The following FOCAD variants were observed in gnomAD, a reference collection of about 807,000 sequenced individuals.
FOCAD encodes focadhesin.
Under a neutral mutation model 225.6 loss-of-function variants are expected in FOCAD, and 198 were observed. The observed-to-expected ratio is 0.88, with a 90% CI of 0.78 to 0.99. FOCAD has a LOEUF of 0.99. Ranked by LOEUF, FOCAD falls within the 50% of genes least tolerant of loss-of-function variation. The pLI is 0.00. For missense variants in FOCAD, 2,713 were observed against 2,123.6 expected, an observed-to-expected ratio of 1.28 and a Z score of -5.46; for synonymous variants, 897 against 755.0, an observed-to-expected ratio of 1.19 and a Z score of -3.08.
intron 35 of FOCAD, among the ~76,000 whole-genome samples, chr9:20,968,717 G>A (rs1383562942): frequency 6.6e-6 from 1 of 151,862 alleles, no homozygotes; most frequent in African/African-American, 2.4e-5. Flanking sequence ...GGGATTACAG[G>A]CATGAGCCAC....
At chr9:20,781,608 G>A in intron 9 of FOCAD, 119 bp from the exon 10 acceptor site, 2 of 751,752 alleles carry the variant, frequency 2.7e-6, no homozygotes, top group Non-Finnish European at 4.6e-6. Context: ...CTAGTTATGT[G>A]TCTGACCCAG....
chr9:20,820,689 A>G (rs924427067), intron 13 of FOCAD, among the ~76,000 whole-genome samples: 1 of 152,138 alleles, frequency 6.6e-6, no homozygotes, highest in Non-Finnish European at 1.5e-5. Context: ...ATATAGTTAT[A>G]AATGATTAGA....
chr9:20,939,150 C>CAAAAAAAAAAAAAAAAAAAAA (rs565280892), intron 28 of FOCAD, among the ~76,000 whole-genome samples: 30 of 72,478 alleles, frequency 4.1e-4, no homozygotes, highest in Middle Eastern at 0.011. Flanking sequence ...ACTCTCTTCT[C>CAAAAAAAAAAAAAAAAAAAAA]AAAAAAAAAA....
intron 15 of FOCAD, among the ~76,000 whole-genome samples, chr9:20,832,453 G>T (rs1219319912): frequency 6.6e-6 from 1 of 151,878 alleles, no homozygotes; most frequent in African/African-American, 2.4e-5. Flanking sequence ...GAGGGTGCAT[G>T]AGATGTTTTG....
chr9:20,912,495 C>T (rs1040109242), intron 22 of FOCAD, among the ~76,000 whole-genome samples: 4 of 152,014 alleles, frequency 2.6e-5, no homozygotes, highest in African/African-American at 9.7e-5. Context: ...GGTGTATGGT[C>T]CCCAATCTTG....
chr9:20,885,094 T>C lies in FOCAD; in HGVS notation c.2504-15T>C. ...AAATAAAAATAAAATAAAGTCTATA[T>C]AATTTTTTTTAAAGGTGGTATGTTA... is the stretch of plus-strand genomic sequence containing the variant. On this transcript the variant is annotated splice_polypyrimidine_tract_variant and intron_variant, in intron 20 of 43. Coordinates refer to ENST00000338382, the MANE Select transcript of FOCAD (RefSeq NM_001375567.1). 7.3e-7 allele frequency: 1 copy of C among 1,364,488 alleles called. No homozygotes were observed. The highest frequency in any genetic ancestry group is 9.7e-7 in the Non-Finnish European group (1 of 1,035,194). The allele number at this position is 1,364,488 out of a possible 1,614,324, so 84.5% of individuals were successfully genotyped here.
At chr9:20,905,551 G>T (rs1167609709) in intron 21 of FOCAD, among the ~76,000 whole-genome samples, 2 of 151,990 alleles carry the variant, frequency 1.3e-5, no homozygotes, top group Non-Finnish European at 2.9e-5. Flanking sequence ...TAAACATTTT[G>T]GTTGTGGTGA....
chr9:20,948,223 G>A (rs765937022), intron 30 of FOCAD, 48 bp from the exon 31 acceptor site: 2 of 1,514,654 alleles, frequency 1.3e-6, no homozygotes, highest in Non-Finnish European at 8.9e-7. Flanking sequence ...CTAAATCTGT[G>A]TCTTTTTTTT....
intron 20 of FOCAD, among the ~76,000 whole-genome samples, chr9:20,883,845 A>C (rs1830882266): frequency 6.6e-6 from 1 of 152,362 alleles, no homozygotes; most frequent in East Asian, 1.9e-4. Flanking sequence ...TAAACTTCCA[A>C]CTCAAGAAGC....
At chr9:20,887,583 A>C (rs1301274241) in intron 21 of FOCAD, among the ~76,000 whole-genome samples, 1 of 152,172 alleles carries the variant, frequency 6.6e-6, no homozygotes, top group African/African-American at 2.4e-5. Flanking sequence ...TTAATTCACC[A>C]GTTGATGGAC....
At chr9:20,704,369 A>G (rs763041549) in intron 1 of FOCAD, among the ~76,000 whole-genome samples, 2 of 152,232 alleles carry the variant, frequency 1.3e-5, no homozygotes, top group Non-Finnish European at 2.9e-5. Context: ...TAGCTAAACC[A>G]TATCTATTCC....
intron 2 of FOCAD, among the ~76,000 whole-genome samples, chr9:20,660,864 A>G (rs1466728949): frequency 1.3e-5 from 2 of 152,164 alleles, no homozygotes; most frequent in Admixed American, 6.6e-5. Flanking sequence ...AGAGAAGGAT[A>G]TGAGAGGCAG....
At chr9:20,677,880 C>G (rs1043221589) in intron 2 of FOCAD, among the ~76,000 whole-genome samples, 5 of 152,190 alleles carry the variant, frequency 3.3e-5, no homozygotes, top group Non-Finnish European at 7.4e-5. Flanking sequence ...GATATCTGCA[C>G]TTTTGTTCAC....
chr9:20,941,823 C>G (rs527376519), intron 28 of FOCAD, among the ~76,000 whole-genome samples: 2 of 152,268 alleles, frequency 1.3e-5, no homozygotes, highest in African/African-American at 4.8e-5. Flanking sequence ...TTTCAGTGGA[C>G]AGAAAGTTAT....
intron 35 of FOCAD, 40 bp downstream of exon 35, chr9:20,953,105 C>T (rs1837832196): frequency 6.6e-7 from 1 of 1,509,604 alleles, no homozygotes; most frequent in East Asian, 2.3e-5. Context: ...ATTCTATCTC[C>T]ATGTTGTTAT....
chr9:20,911,945 C>G (rs982263833), intron 22 of FOCAD, among the ~76,000 whole-genome samples: 2 of 152,154 alleles, frequency 1.3e-5, no homozygotes, highest in Non-Finnish European at 2.9e-5. Context: ...GATCCTCAAT[C>G]TCACTAGTAA....
At chr9:20,733,404 G>A (rs1160821527) in intron 4 of FOCAD, among the ~76,000 whole-genome samples, 1 of 151,924 alleles carries the variant, frequency 6.6e-6, no homozygotes, top group Admixed American at 6.5e-5. Flanking sequence ...TGTGCACAAT[G>A]TGCAGGTTAG....
chr9:20,742,568 A>G (rs756012585), intron 5 of FOCAD, among the ~76,000 whole-genome samples: 24 of 152,232 alleles, frequency 1.6e-4, no homozygotes, highest in Non-Finnish European at 3.4e-4. Flanking sequence ...ACTGCATTTT[A>G]GAAAGATTTT....
At chr9:20,712,068 C>G (rs1023239966) in intron 1 of FOCAD, among the ~76,000 whole-genome samples, 3 of 152,202 alleles carry the variant, frequency 2.0e-5, no homozygotes, top group African/African-American at 7.2e-5. Flanking sequence ...GTATTAGACC[C>G]TCTTATGTTC....
Sources: allele counts gnomAD v4.1 joint callset (sites outside exome capture counted in the v4.1 genomes callset), GRCh38; gene constraint gnomAD v4.1.1; transcripts MANE v1.5; gene names NCBI Gene and HGNC (gene_info 2026-07-23, HGNC 2026-07-21).